The following POLE variants were observed in gnomAD, a reference collection of about 807,000 sequenced individuals.
POLE encodes the protein DNA polymerase epsilon catalytic subunit A.
A neutral mutation model predicts 279.2 loss-of-function variants in POLE; 188 were observed. The observed-to-expected ratio is 0.67, with a 90% CI of 0.60 to 0.76. The LOEUF is 0.76. Among genes scored for constraint, POLE ranks in the 30% least tolerant of loss-of-function variants. The pLI, the probability that POLE is intolerant of heterozygous loss-of-function variation, is 0.00. For missense variants in POLE, 2,703 were observed against 3,016.7 expected (o/e 0.90, Z 2.44); for synonymous variants, 1,214 against 1,172.5 (o/e 1.04, Z -0.72).
intron 16 of POLE, among the ~76,000 whole-genome samples, chr12:132,669,558 G>A (rs1404169748): frequency 1.3e-5 from 2 of 152,072 alleles, no homozygotes; most frequent in Non-Finnish European, 2.9e-5. Flanking sequence ...GTGATTACAA[G>A]GAATAACATC....
rs1555225176 is a variant in POLE at position 132,657,303 on chromosome 12, G to A, written c.3460-45C>T. The A allele has an allele frequency of 4.3e-6, 7 of 1,614,036 alleles. 1 individual carries two copies. In the East Asian group the frequency reaches 1.3e-4, roughly 31 times the overall value. The stretch of plus-strand genomic sequence containing the variant: ...ATCAGAGAGAGACCCTTGTCTAACT[G>A]CACAGTTTTTAGCCCCACAGCCCGT... On this transcript the variant is annotated intron_variant, in intron 28 of 48. Coordinates refer to ENST00000320574, the MANE Select transcript of POLE (RefSeq NM_006231.4).
intron 32 of POLE, among the ~76,000 whole-genome samples, 160 bp from the exon 33 acceptor site, chr12:132,644,137 A>G (rs2042222022): frequency 6.6e-6 from 1 of 152,160 alleles, no homozygotes; most frequent in Non-Finnish European, 1.5e-5. Flanking sequence ...GATTACAACT[A>G]AAAACTCTGG....
intron 46 of POLE, 138 bp from the exon 47 acceptor site, chr12:132,625,908 T>C: frequency 8.0e-7 from 1 of 1,252,416 alleles, no homozygotes; most frequent in South Asian, 1.4e-5. Context: ...GCACGCACTC[T>C]GGCCTCCCAC....
intron 3 of POLE, 61 bp downstream of exon 3, chr12:132,680,546 T>A: frequency 7.6e-7 from 1 of 1,321,026 alleles, no homozygotes; most frequent in Non-Finnish European, 1.1e-6. Flanking sequence ...TCCCTGACAG[T>A]CACAGAGCTA....
chr12:132,629,623 C>T (rs2041897932), intron 45 of POLE, among the ~76,000 whole-genome samples: 1 of 152,226 alleles, frequency 6.6e-6, no homozygotes, highest in Non-Finnish European at 1.5e-5. Flanking sequence ...TGGAACTGAA[C>T]AGAGTGAGAG....
At position 132,672,203 on chromosome 12, in the gene POLE, CCT is replaced by C; in HGVS notation, c.1794+10_1794+11del. 3 of 1,592,848 alleles carry C rather than the reference CCT, an allele frequency of 1.9e-6. No homozygotes were observed. Among genetic ancestry groups the C allele is most frequent in the Non-Finnish European group, 2.6e-6 (3 of 1,160,496 alleles). On this transcript the variant is annotated intron_variant, in intron 16 of 48. Coordinates refer to ENST00000320574, the MANE Select transcript of POLE (RefSeq NM_006231.4). Reference sequence around the variant, plus strand: ...AACACAGACTGGCTCTTCCTGCCTCCCTGATGGTTACCTCTTCAAAGTTGGTG... The same window carrying C: ...AACACAGACTGGCTCTTCCTGCCTCCGATGGTTACCTCTTCAAAGTTGGTG...
chr12:132,663,852 C>A, intron 23 of POLE, 152 bp downstream of exon 23: 1 of 737,130 alleles, frequency 1.4e-6, no homozygotes, highest in Non-Finnish European at 2.2e-6. Flanking sequence ...CACTTGATAC[C>A]TCTGACCATG....
rs775726937 is a variant in POLE, at chr12:132,668,853, C to G, written c.1881G>C (p.Val627=). Residue 627 remains valine, a synonymous_variant, in exon 17 of 49, where the codon GTG becomes GTC. Transcript: ENST00000320574. The surrounding 1 kb of genome is among the most constrained non-coding windows in gnomAD (Gnocchi z 4.0). ...GGATGATGTTGGGGTACATGGCCCCCACGTCCAGGTGGTAGATGAGTGGAC... is the reference window on the plus strand; with the variant it reads ...GGATGATGTTGGGGTACATGGCCCCGACGTCCAGGTGGTAGATGAGTGGAC... ...IECPLIYHLD[V]GAMYPNIILT... The G allele has an allele frequency of 5.0e-6, 8 of 1,614,078 alleles. No individual in the cohort carries two copies. Among genetic ancestry groups the G allele is most frequent in the Non-Finnish European group, 5.9e-6 (7 of 1,179,996 alleles).
Position 132,663,275 on chromosome 12 carries a change from C to T in POLE, c.2706+729G>A, listed in dbSNP as rs931009430. On this transcript the variant is annotated intron_variant, in intron 23 of 48. Transcript: ENST00000320574. ...AGCCGTATGGGAGGGGGCACAGGAGCGCCACAGTAAGGCCTGCAGAAGCCC... is the reference window on the plus strand; with the variant it reads ...AGCCGTATGGGAGGGGGCACAGGAGTGCCACAGTAAGGCCTGCAGAAGCCC... 1.2e-4 allele frequency among the ~76,000 whole-genome samples: 18 copies of T among 152,332 alleles called. No individual in the cohort carries two copies. In the South Asian group the frequency reaches 1.7e-3, roughly 14 times the overall value.
chr12:132,680,482 G>C, intron 3 of POLE, 125 bp downstream of exon 3: 1 of 767,180 alleles, frequency 1.3e-6, no homozygotes, highest in Non-Finnish European at 2.2e-6. Context: ...GGCCTCCAGG[G>C]GCCCGAGTTC....
chr12:132,632,569 A>AC, intron 44 of POLE, 61 bp from the exon 45 acceptor site: 1 of 1,605,932 alleles, frequency 6.2e-7, no homozygotes, highest in Non-Finnish European at 8.5e-7. Context: ...GGGACCTCCC[A>AC]CCTGGGGGAC....
intron 1 of POLE, among the ~76,000 whole-genome samples, chr12:132,685,192 T>C (rs1253047374): frequency 1.7e-3 from 181 of 108,648 alleles, no homozygotes; most frequent in Middle Eastern, 6.2e-3. Flanking sequence ...CACACAGGCT[T>C]TCATTCACAG....
chr12:132,638,950 C>T (rs1031824032), intron 40 of POLE, 175 bp downstream of exon 40: 29 of 618,114 alleles, frequency 4.7e-5, no homozygotes, highest in African/African-American at 2.8e-4. Context: ...GTGCAGGCGA[C>T]GCTGCAGCAG....
At chr12:132,669,082 A>G in intron 16 of POLE, 143 bp from the exon 17 acceptor site, 2 of 698,818 alleles carry the variant, frequency 2.9e-6, no homozygotes, top group Non-Finnish European at 4.6e-6. Flanking sequence ...AAAAAAGTTA[A>G]GAAGGGTTGC....
intron 1 of POLE, among the ~76,000 whole-genome samples, chr12:132,686,760 G>T (rs368558047): frequency 2.0e-5 from 3 of 152,094 alleles, no homozygotes; most frequent in Non-Finnish European, 4.4e-5. Flanking sequence ...GAGGAGACGA[G>T]GTCTCTCTCT....
intron 32 of POLE, among the ~76,000 whole-genome samples, chr12:132,645,297 C>T (rs574600064): frequency 1.0e-5 from 1 of 95,566 alleles, no homozygotes; most frequent in Non-Finnish European, 2.0e-5. Flanking sequence ...TCTGGAGAGG[C>T]GAGCTGGAGA....
rs2136033311 is a variant in POLE at position 132,681,123 on chromosome 12, G to A, written c.204+15C>T. 6.2e-7 allele frequency: 1 copy of A among 1,613,768 alleles called. No individual in the cohort carries two copies. The highest frequency in any genetic ancestry group is 8.5e-7 in the Non-Finnish European group (1 of 1,179,926). On this transcript the variant is annotated intron_variant, in intron 2 of 48. Transcript: ENST00000320574. Reference sequence around the variant, plus strand: ...GCAGCCATATTCCTGGGTGGGAGAAGGACCTAGTGCTTACAGGATGCATGT... The same window carrying A: ...GCAGCCATATTCCTGGGTGGGAGAAAGACCTAGTGCTTACAGGATGCATGT...
chr12:132,629,541 C>T (rs2041896038), intron 45 of POLE, among the ~76,000 whole-genome samples: 1 of 152,222 alleles, frequency 6.6e-6, no homozygotes, highest in Admixed American at 6.5e-5. Flanking sequence ...GGCTTCTCTC[C>T]CTAAACCCCA....
chr12:132,680,165 G>A lies in POLE; in HGVS notation c.330+13C>T, dbSNP rs2043137488. The A allele has an allele frequency of 6.2e-7, 1 of 1,613,104 alleles. No individual in the cohort carries two copies. The highest frequency in any genetic ancestry group is 8.5e-7 in the Non-Finnish European group (1 of 1,179,018). The stretch of plus-strand genomic sequence containing the variant: ...CACAGGTCGTCTGACCTGAGTCTAT[G>A]AAACACACTCACCTTTCTGGTCGCA... On this transcript the variant is annotated intron_variant, in intron 4 of 48. Coordinates refer to ENST00000320574, the MANE Select transcript of POLE (RefSeq NM_006231.4).
Sources: allele counts gnomAD v4.1 joint callset (sites outside exome capture counted in the v4.1 genomes callset), GRCh38; gene constraint gnomAD v4.1.1; non-coding constraint Gnocchi (gnomAD v3.1); transcripts MANE v1.5; gene names NCBI Gene and HGNC (gene_info 2026-07-23, HGNC 2026-07-21).